The following CEACAM5 variants were observed in gnomAD, a reference collection of about 807,000 sequenced individuals.
The protein encoded by CEACAM5 is cell adhesion molecule CEACAM5.
A neutral mutation model predicts 63.0 loss-of-function variants in CEACAM5; 52 were observed. The ratio of observed to expected loss-of-function variants is 0.83; its 90% CI spans 0.66 to 1.04. The LOEUF is 1.04. Ranked by LOEUF, CEACAM5 falls within the 50% of genes least tolerant of loss-of-function variation. The pLI, the probability that CEACAM5 is intolerant of heterozygous loss-of-function variation, is 0.00. For missense variants in CEACAM5, 790 were observed against 864.8 expected (o/e 0.91, Z 1.08); for synonymous variants, 357 against 351.3 (o/e 1.02, Z -0.18).
intron 2 of CEACAM5, 175 bp downstream of exon 2, chr19:41,710,214 C>T (rs887959639): frequency 9.7e-7 from 1 of 1,033,152 alleles, no homozygotes; most frequent in African/African-American, 1.6e-5. Context: ...ATCAGAATTC[C>T]TTTCCGGCAT....
chr19:41,717,704 A>G lies in CEACAM5; in HGVS notation c.1208A>G (p.His403Arg). 1 of 1,614,156 alleles carries G rather than the reference A, an allele frequency of 6.2e-7. No homozygotes were observed. The highest frequency in any genetic ancestry group is 8.5e-7 in the Non-Finnish European group (1 of 1,180,008). Residue 403 changes from histidine to arginine, a missense_variant, in exon 5 of 10, where the codon CAC becomes CGC. By Grantham distance (29) the His-to-Arg change is conservative. Transcript: ENST00000221992. ...ATCCAGAACGAATTAAGTGTTGACCACAGCGACCCAGTCATCCTGAATGTC... is the reference window on the plus strand; with the variant it reads ...ATCCAGAACGAATTAAGTGTTGACCGCAGCGACCCAGTCATCCTGAATGTC... ...CGIQNELSVDHSDPVILNVLY... is the reference protein window; with the variant it reads ...CGIQNELSVDRSDPVILNVLY...
In CEACAM5 at chr19:41,713,044, T is replaced by C. The variant is rs146570364; in HGVS notation, c.425-1927T>C. Among the ~76,000 whole-genome samples the C allele has an allele frequency of 7.4e-3, 1,131 of 152,320 alleles. 13 individuals carry two copies. Among genetic ancestry groups the C allele is most frequent in the African/African-American group, 0.026 (1,084 of 41,578 alleles). ...ACTGAAGGCCGGGCACGGTGGCTCA[T>C]GCCTGTAATCCCAGCACTTCGGGAG... On this transcript the variant is annotated intron_variant, in intron 2 of 9. Transcript: ENST00000221992.
intron 8 of CEACAM5, 95 bp downstream of exon 8, chr19:41,721,271 G>C (rs1354190249): frequency 7.1e-7 from 1 of 1,404,384 alleles, no homozygotes; most frequent in African/African-American, 1.4e-5. Context: ...TTCCCAGTCT[G>C]TGTTCCATGG....
chr19:41,711,994 C>T (rs548704773), intron 2 of CEACAM5, among the ~76,000 whole-genome samples: 7 of 152,200 alleles, frequency 4.6e-5, no homozygotes, highest in South Asian at 2.1e-4. Context: ...AATGAGCTTC[C>T]GCTGTGTTCC....
In CEACAM5 at chr19:41,709,781, C is replaced by T. The variant is rs782298600; in HGVS notation, c.166C>T (p.His56Tyr). 15 of 1,614,118 alleles carry T rather than the reference C, an allele frequency of 9.3e-6. No individual in the cohort carries two copies. The highest frequency in any genetic ancestry group is 1.3e-5 in the Non-Finnish European group (15 of 1,180,014). Residue 56 changes from histidine to tyrosine, a missense_variant, in exon 2 of 10, where the codon CAC becomes TAC. Coordinates refer to ENST00000221992, the MANE Select transcript of CEACAM5 (RefSeq NM_004363.6). ...GGGGAAGGAGGTGCTTCTACTTGTC[C>T]ACAATCTGCCCCAGCATCTTTTTGG... is the stretch of plus-strand genomic sequence containing the variant. ...AEGKEVLLLVHNLPQHLFGYS... is the reference protein window; with the variant it reads ...AEGKEVLLLVYNLPQHLFGYS...
chr19:41,715,302 C>T lies in CEACAM5; in HGVS notation c.703+53C>T, dbSNP rs782508644. On this transcript the variant is annotated intron_variant, in intron 3 of 9. Coordinates refer to ENST00000221992, the MANE Select transcript of CEACAM5 (RefSeq NM_004363.6). ...AGGCTGCCAGCCCAAATCCACAGGG[C>T]CAGAGGCAGGATTTCTCAGTCCCTC... The T allele has an allele frequency of 3.1e-6, 5 of 1,609,602 alleles. No homozygotes were observed. In the East Asian group the frequency reaches 1.1e-4, roughly 36 times the overall value.
At chr19:41,718,575 G>A (rs1555815565) in intron 6 of CEACAM5, among the ~76,000 whole-genome samples, 193 bp downstream of exon 6, 1 of 152,150 alleles carries the variant, frequency 6.6e-6, no homozygotes, top group East Asian at 1.9e-4. Flanking sequence ...TCTCATGGCT[G>A]ACCTTGTGTC....
chr19:41,723,573 T>G (rs1555816620), intron 8 of CEACAM5, among the ~76,000 whole-genome samples: 1 of 152,216 alleles, frequency 6.6e-6, no homozygotes, highest in Non-Finnish European at 1.5e-5. Flanking sequence ...TAATCCCTTA[T>G]CAGATATATG....
At chr19:41,722,056 C>A (rs782338330) in intron 8 of CEACAM5, among the ~76,000 whole-genome samples, 23 of 152,282 alleles carry the variant, frequency 1.5e-4, no homozygotes, top group Middle Eastern at 3.4e-3. Flanking sequence ...ATAAAACTTA[C>A]CATTAACCAT....
Position 41,730,367 on chromosome 19 carries a change from A to G in CEACAM5, c.*1220A>G, listed in dbSNP as rs368685922. ...AACCCGGGAGGCAGGGCTTGCAGTGAGCCAAGATCATGCCGCTGCACTCCA... is the reference window on the plus strand; with the variant it reads ...AACCCGGGAGGCAGGGCTTGCAGTGGGCCAAGATCATGCCGCTGCACTCCA... On this transcript the variant is annotated 3_prime_UTR_variant, in exon 10 of 10. Coordinates refer to ENST00000221992, the MANE Select transcript of CEACAM5 (RefSeq NM_004363.6). 2.0e-5 allele frequency among the ~76,000 whole-genome samples: 3 copies of G among 151,230 alleles called. No individual in the cohort carries two copies. Among genetic ancestry groups the G allele is most frequent in the African/African-American group, 7.3e-5 (3 of 41,024 alleles).
chr19:41,719,546 C>T (rs1269121537), intron 6 of CEACAM5, among the ~76,000 whole-genome samples: 1 of 152,154 alleles, frequency 6.6e-6, no homozygotes, highest in Non-Finnish European at 1.5e-5. Context: ...GAGAAAACAC[C>T]CCACGGTTGG....
intron 2 of CEACAM5, 114 bp from the exon 3 acceptor site, chr19:41,714,857 G>A: frequency 6.4e-7 from 1 of 1,557,974 alleles, no homozygotes; most frequent in Non-Finnish European, 8.7e-7. Flanking sequence ...CCCACCGTGG[G>A]TTTTTAAGGG....
At chr19:41,714,924 A>T in intron 2 of CEACAM5, 47 bp from the exon 3 acceptor site, 1 of 1,611,830 alleles carries the variant, frequency 6.2e-7, no homozygotes. Context: ...GCCTGTGAGG[A>T]ATCAAAGGTG....
In CEACAM5 at chr19:41,714,999, C is replaced by G; in HGVS notation, c.453C>G (p.Ser151Arg). 1 of 1,614,192 alleles carries G rather than the reference C, an allele frequency of 6.2e-7. No individual in the cohort carries two copies. The highest frequency in any genetic ancestry group is 8.5e-7 in the Non-Finnish European group (1 of 1,180,040). Residue 151 changes from serine to arginine, a missense_variant, in exon 3 of 10, where the codon AGC (serine) becomes AGG (arginine). Physicochemically the swap from Ser to Arg is moderately radical, Grantham distance 110. Transcript: ENST00000221992. Reference protein sequence around the residue: ...YPELPKPSISSNNSKPVEDKD... With the variant: ...YPELPKPSISRNNSKPVEDKD... ...AGCTGCCCAAGCCCTCCATCTCCAG[C>G]AACAACTCCAAACCCGTGGAGGACA...
chr19:41,721,881 G>T (rs1333679969), intron 8 of CEACAM5, among the ~76,000 whole-genome samples: 1 of 152,194 alleles, frequency 6.6e-6, no homozygotes, highest in Non-Finnish European at 1.5e-5. Flanking sequence ...GCTGTATGAG[G>T]CTGTGGACAC....
Position 41,718,290 on chromosome 19 carries a change from T to C in CEACAM5, c.1400T>C (p.Ile467Thr). The change falls in exon 6 of 10, where the codon ATC becomes ACC. Residue 467 changes from isoleucine (I) to threonine (T), a missense_variant. Coordinates refer to ENST00000221992, the MANE Select transcript of CEACAM5 (RefSeq NM_004363.6). ...QHTQELFISN[I>T]TEKNSGLYTC... ...ACACAAGAGCTCTTTATCTCCAACATCACTGAGAAGAACAGCGGACTCTAT... is the reference window on the plus strand; with the variant it reads ...ACACAAGAGCTCTTTATCTCCAACACCACTGAGAAGAACAGCGGACTCTAT... 6.2e-7 allele frequency: 1 copy of C among 1,614,052 alleles called. No individual in the cohort carries two copies. The highest frequency in any genetic ancestry group is 1.1e-5 in the South Asian group (1 of 91,074).
At position 41,730,408 on chromosome 19, in the gene CEACAM5, T is replaced by A. The variant is rs1005070747; in HGVS notation, c.*1261T>A. On this transcript the variant is annotated 3_prime_UTR_variant, in exon 10 of 10. Transcript: ENST00000221992. Reference sequence around the variant, plus strand: ...CTGCACTCCAGCCTGGGAGACAAAGTGAGACTCCGTCAAAAAAAAAAAAAA... The same window carrying A: ...CTGCACTCCAGCCTGGGAGACAAAGAGAGACTCCGTCAAAAAAAAAAAAAA... 7.5e-6 allele frequency among the ~76,000 whole-genome samples: 1 copy of A among 133,410 alleles called. No homozygotes were observed. Among genetic ancestry groups the A allele is most frequent in the African/African-American group, 3.1e-5 (1 of 32,130 alleles). 87.5% of individuals were successfully genotyped at this position (133,410 alleles called of 152,430 possible).
chr19:41,712,154 T>A (rs895601928), intron 2 of CEACAM5, among the ~76,000 whole-genome samples: 2 of 152,196 alleles, frequency 1.3e-5, no homozygotes, highest in Non-Finnish European at 2.9e-5. Context: ...CGCATGCTTA[T>A]TTCACTCACT....
intron 7 of CEACAM5, among the ~76,000 whole-genome samples, 189 bp from the exon 8 acceptor site, chr19:41,720,733 C>A (rs1173895634): frequency 1.3e-5 from 2 of 152,152 alleles, no homozygotes; most frequent in Non-Finnish European, 2.9e-5. Flanking sequence ...TGGTCTCGAA[C>A]TCCTGATCTG....
Sources: gnomAD v4.1 joint callset for allele counts (sites outside exome capture counted in the v4.1 genomes callset) on GRCh38, gnomAD v4.1.1 for gene constraint, MANE v1.5 for transcripts, NCBI Gene and HGNC (gene_info 2026-07-23, HGNC 2026-07-21) for gene names.